Variants in ATP13A5 observed in about 807,000 individuals in gnomAD.
The protein encoded by ATP13A5 is ATPase 13A5.
ATP13A5 carries 149 observed loss-of-function variants against 150.2 expected under a neutral mutation model. The observed-to-expected ratio is 0.99, with a 90% CI of 0.87 to 1.14. The LOEUF is 1.14. ATP13A5 is among the 50% of genes most tolerant of loss of function. ATP13A5 has a pLI of 0.00. For synonymous variants in ATP13A5, 497 were observed against 522.2 expected, an observed-to-expected ratio of 0.95 and a Z score of 0.66; for missense variants, 1,383 against 1,449.3, an observed-to-expected ratio of 0.95 and a Z score of 0.74.
intron 6 of ATP13A5, 44 bp downstream of exon 6, chr3:193,354,083 C>A: frequency 3.3e-6 from 5 of 1,505,646 alleles, no homozygotes; most frequent in Non-Finnish European, 4.5e-6. Context: ...AAGTAAGGGG[C>A]AGAAATCTAT....
At chr3:193,337,545 G>A (rs1158918684) in intron 9 of ATP13A5, among the ~76,000 whole-genome samples, 4 of 151,972 alleles carry the variant, frequency 2.6e-5, no homozygotes, top group Non-Finnish European at 5.9e-5. Context: ...GGTTGTAGAT[G>A]TGTGGTATTC....
intron 1 of ATP13A5, among the ~76,000 whole-genome samples, chr3:193,365,166 G>A (rs186305060): frequency 9.9e-5 from 15 of 152,142 alleles, no homozygotes; most frequent in East Asian, 5.8e-4. Flanking sequence ...TTCTGCTATT[G>A]TTGTTTTTGT....
chr3:193,293,988 G>T (rs748220228), intron 25 of ATP13A5, among the ~76,000 whole-genome samples: 3 of 152,062 alleles, frequency 2.0e-5, no homozygotes, highest in Non-Finnish European at 4.4e-5. Flanking sequence ...GAAATGAGGG[G>T]CCTAGAGGTG....
chr3:193,364,221 C>T lies in ATP13A5; in HGVS notation c.123G>A (p.Val41=), dbSNP rs145081312. The T allele has an allele frequency of 1.6e-4, 265 of 1,614,122 alleles. 2 individuals are homozygous for T. The African/African-American group carries it at 2.6e-3, about 16-fold the overall frequency. ...CCAGCAGAAGGCCCCCACAGGTCAG[C>T]ACGGATGCGACAAGGCAGAAGGCTT... ...VRKAFCLVAS[V]LTCGGLLLVF... is the part of the protein sequence containing the mutation. The change falls in exon 2 of 30, where the codon GTG becomes GTA. Residue 41 remains valine, a synonymous_variant. Transcript: ENST00000342358.
intron 1 of ATP13A5, among the ~76,000 whole-genome samples, chr3:193,376,321 A>G (rs1367295977): frequency 6.6e-6 from 1 of 152,156 alleles, no homozygotes; most frequent in Non-Finnish European, 1.5e-5. Flanking sequence ...ATAGACTGCC[A>G]TCTTTTCTCT....
chr3:193,371,360 C>A (rs1713435435), intron 1 of ATP13A5, among the ~76,000 whole-genome samples: 1 of 152,204 alleles, frequency 6.6e-6, no homozygotes, highest in South Asian at 2.1e-4. Context: ...TGCATACTCT[C>A]TTGTTGGACA....
At chr3:193,355,503 T>A (rs753167031) in intron 5 of ATP13A5, among the ~76,000 whole-genome samples, 12 of 152,186 alleles carry the variant, frequency 7.9e-5, no homozygotes, top group South Asian at 2.1e-4. Flanking sequence ...AGATCTTTGG[T>A]CTCACTGAGG....
intron 9 of ATP13A5, among the ~76,000 whole-genome samples, chr3:193,341,936 T>C (rs1178339748): frequency 6.6e-6 from 1 of 152,222 alleles, no homozygotes; most frequent in African/African-American, 2.4e-5. Flanking sequence ...GGCAGGAAGA[T>C]GAAGTCAGCA....
chr3:193,341,177 C>A (rs58697541), intron 9 of ATP13A5, among the ~76,000 whole-genome samples: 6,185 of 139,178 alleles, frequency 0.044, 363 homozygotes, highest in African/African-American at 0.15. Flanking sequence ...CCCCCCCTCC[C>A]AAATGATATT....
chr3:193,313,945 A>C, intron 19 of ATP13A5, 88 bp downstream of exon 19: 2 of 1,396,962 alleles, frequency 1.4e-6, no homozygotes. Flanking sequence ...TACTGAGATG[A>C]CTCCTGGAGT....
At chr3:193,378,096 G>T (rs201747195) in intron 1 of ATP13A5, among the ~76,000 whole-genome samples, 1 of 129,866 alleles carries the variant, frequency 7.7e-6, no homozygotes, top group East Asian at 2.3e-4. Flanking sequence ...GTGTGTGTGT[G>T]TGTTTGATGA....
In ATP13A5 at chr3:193,363,291, A is replaced by C. The variant is rs761999182; in HGVS notation, c.329T>G (p.Leu110Arg). Reference sequence around the variant, plus strand: ...TATGACAGAGTGGCGGTCAGCCACCAGGGATTCTTCCCACTTCTTGCTTAC... The same window carrying C: ...TATGACAGAGTGGCGGTCAGCCACCCGGGATTCTTCCCACTTCTTGCTTAC... The part of the protein sequence containing the change: ...FPVSKKWEES[L>R]VADRHSVINQ... Residue 110 changes from leucine (L) to arginine (R), a missense_variant, in exon 3 of 30, where the codon CTG becomes CGG. Leu to Arg is a moderately radical substitution (Grantham distance 102). Transcript: ENST00000342358. 2.5e-6 allele frequency: 4 copies of C among 1,614,002 alleles called. No individual in the cohort carries two copies. Among genetic ancestry groups the C allele is most frequent in the Non-Finnish European group, 3.4e-6 (4 of 1,179,870 alleles).
At chr3:193,368,392 T>TTGTGTGTGTGTGTGCG (rs1713324288) in intron 1 of ATP13A5, among the ~76,000 whole-genome samples, 1 of 147,248 alleles carries the variant, frequency 6.8e-6, no homozygotes. Flanking sequence ...CTCTTCAGAC[T>TTGTGTGTGTGTGTGCG]TGTGTGTGTG....
At chr3:193,368,959 T>C (rs1263217576) in intron 1 of ATP13A5, among the ~76,000 whole-genome samples, 1 of 152,192 alleles carries the variant, frequency 6.6e-6, no homozygotes, top group Non-Finnish European at 1.5e-5. Flanking sequence ...ATTAAAAGCT[T>C]CTGGCTGGGC....
rs200376527 is a variant in ATP13A5 at position 193,321,857 on chromosome 3, A to T, written c.1759-20T>A. The T allele has an allele frequency of 1.9e-6, 3 of 1,610,440 alleles. No individual in the cohort carries two copies. In the Admixed American group the frequency reaches 5.0e-5, roughly 27 times the overall value. ...TGGACTCTGCAAGCCCATCAACAAC[A>T]GGGAGCTTAACAAGCTGCTAAGTGA... On this transcript the variant is annotated intron_variant, in intron 15 of 29. Transcript: ENST00000342358.
intron 29 of ATP13A5, among the ~76,000 whole-genome samples, chr3:193,276,370 GA>G (rs1717201203): frequency 6.6e-6 from 1 of 152,164 alleles, no homozygotes; most frequent in East Asian, 1.9e-4. Flanking sequence ...CTTTCTTATG[GA>G]AACCCTGCGG....
intron 29 of ATP13A5, among the ~76,000 whole-genome samples, chr3:193,275,597 A>G (rs1469676091): frequency 6.6e-6 from 1 of 152,230 alleles, no homozygotes; most frequent in Non-Finnish European, 1.5e-5. Context: ...AAATGGTAAC[A>G]GCAATAACGT....
chr3:193,360,446 G>T (rs919802790), intron 5 of ATP13A5, among the ~76,000 whole-genome samples: 1 of 151,976 alleles, frequency 6.6e-6, no homozygotes, highest in African/African-American at 2.4e-5. Flanking sequence ...AAATTCACTA[G>T]GAAATTGGTA....
At chr3:193,345,169 G>T in intron 7 of ATP13A5, 94 bp from the exon 8 acceptor site, 1 of 1,200,394 alleles carries the variant, frequency 8.3e-7, no homozygotes, top group Non-Finnish European at 1.2e-6. Context: ...AGCTGTCACA[G>T]CTAAAGTGAC....
Sources: allele counts gnomAD v4.1 joint callset (sites outside exome capture counted in the v4.1 genomes callset), GRCh38; gene constraint gnomAD v4.1.1; transcripts MANE v1.5; gene names NCBI Gene and HGNC (gene_info 2026-07-23, HGNC 2026-07-21).